Variants in NUP50 observed in about 807,000 individuals in gnomAD.
The protein encoded by NUP50 is nucleoporin 50, also known as nuclear pore complex protein Nup50.
A neutral mutation model predicts 36.8 loss-of-function variants in NUP50; 14 were observed. The observed-to-expected ratio is 0.38, with a 90% CI of 0.25 to 0.59. The LOEUF (loss-of-function observed/expected upper bound fraction) is 0.59. NUP50 is among the 20% of genes least tolerant of loss of function. The pLI is 0.63. For synonymous variants in NUP50, 195 were observed against 210.8 expected (o/e 0.93, Z 0.65); for missense variants, 455 against 564.6 (o/e 0.81, Z 1.97).
chr22:45,185,098 CGT>C lies in NUP50; in HGVS notation c.*447_*448del, dbSNP rs2074449137. On this transcript the variant is annotated 3_prime_UTR_variant, in exon 8 of 8. Coordinates refer to ENST00000347635, the MANE Select transcript of NUP50 (RefSeq NM_007172.4). Reference sequence around the variant, plus strand: ...GCTTCTCTCCGGTGGGCTCAGCCGACGTGTGAGACTTGTTCTGTTACCAAATG... The same window carrying C: ...GCTTCTCTCCGGTGGGCTCAGCCGACGTGAGACTTGTTCTGTTACCAAATG... The C allele has an allele frequency of 9.9e-6, 2 of 202,704 alleles. No individual in the cohort carries two copies. Among genetic ancestry groups the C allele is most frequent in the Non-Finnish European group, 2.0e-5 (2 of 98,226 alleles). 12.6% of individuals were successfully genotyped at this position (202,704 alleles called of 1,614,324 possible). A position where few individuals can be genotyped will look rare whatever the true frequency, so the allele number is the denominator to read the frequency against.
Position 45,178,625 on chromosome 22 carries a change from C to G in NUP50, c.728C>G (p.Thr243Ser), listed in dbSNP as rs897739330. 6.2e-7 allele frequency: 1 copy of G among 1,611,962 alleles called. No individual in the cohort carries two copies. The highest frequency in any genetic ancestry group is 1.3e-5 in the African/African-American group (1 of 74,946). Reference sequence around the variant, plus strand: ...ACGTTTTTGTTTCATGGCAACAAAACTGAAGATACACCTGACAAGAAGATG... The same window carrying G: ...ACGTTTTTGTTTCATGGCAACAAAAGTGAAGATACACCTGACAAGAAGATG... ...ESTFLFHGNK[T>S]EDTPDKKMEV... The change falls in exon 5 of 8, where the codon ACT becomes AGT. Residue 243 changes from threonine (T) to serine (S), a missense_variant. Transcript: ENST00000347635.
intron 1 of NUP50, chr22:45,166,020 C>A (rs1230399711): frequency 6.6e-6 from 1 of 152,206 alleles, no homozygotes; most frequent in Non-Finnish European, 1.5e-5. Context: ...TAATGACAGA[C>A]AGGACACCTG....
chr22:45,175,796 G>A (rs2147684942), intron 3 of NUP50, 98 bp from the exon 4 acceptor site: 1 of 1,130,658 alleles, frequency 8.8e-7, no homozygotes, highest in Middle Eastern at 2.2e-4. Flanking sequence ...TGCATGTGGA[G>A]TCTAGGTGCT....
chr22:45,165,529 A>G (rs1454623897), intron 1 of NUP50, among the ~76,000 whole-genome samples: 1 of 152,218 alleles, frequency 6.6e-6, no homozygotes, highest in East Asian at 1.9e-4. Flanking sequence ...AGCTAGACAT[A>G]AGACTCCAGG....
rs2074437591 is a variant in NUP50, at chr22:45,184,523, T to C, written c.1275T>C (p.Leu425=). ...PCTRTGKNNV[L]IVCVPNPPID... Reference sequence around the variant, plus strand: ...CGCGAACAGGGAAGAATAACGTTCTTATCGTCTGTGTTCCAAATCCACCAA... The same window carrying C: ...CGCGAACAGGGAAGAATAACGTTCTCATCGTCTGTGTTCCAAATCCACCAA... The change falls in exon 8 of 8, where the codon CTT becomes CTC. Residue 425 remains leucine (L), a synonymous_variant. Coordinates refer to ENST00000347635, the MANE Select transcript of NUP50 (RefSeq NM_007172.4). 6.2e-7 allele frequency: 1 copy of C among 1,613,678 alleles called. No individual in the cohort carries two copies.
At position 45,187,708 on chromosome 22, in the gene NUP50, A is replaced by G. The variant is rs1462256183; in HGVS notation, c.*3053A>G. ...TTTGTCCCGTAGTATGGCAGATGAC[A>G]GGGAGGTCTTTTCCAAGCAGGCACT... On this transcript the variant is annotated 3_prime_UTR_variant, in exon 8 of 8. Transcript: ENST00000347635. 2.6e-5 allele frequency: 4 copies of G among 152,386 alleles called. No individual in the cohort carries two copies. The highest frequency in any genetic ancestry group is 3.9e-4 in the East Asian group (2 of 5,178). 9.4% of individuals were successfully genotyped at this position (152,386 alleles called of 1,614,324 possible). A position where few individuals can be genotyped will look rare whatever the true frequency, so the allele number is the denominator to read the frequency against.
intron 6 of NUP50, among the ~76,000 whole-genome samples, chr22:45,183,085 C>CGG (rs60488848): frequency 1.8e-5 from 2 of 114,176 alleles, no homozygotes; most frequent in Admixed American, 9.4e-5. Flanking sequence ...GGGTTGGGGG[C>CGG]GGGGGGGGGG....
At chr22:45,169,483 TAGAATA>T (rs1160676139) in intron 2 of NUP50, among the ~76,000 whole-genome samples, 5 of 152,104 alleles carry the variant, frequency 3.3e-5, no homozygotes, top group East Asian at 2.0e-4. Context: ...ATAAAATAGT[TAGAATA>T]AGAATAGTCA....
intron 2 of NUP50, chr22:45,170,989 G>A (rs2074183640): frequency 7.7e-7 from 1 of 1,303,866 alleles, no homozygotes; most frequent in Non-Finnish European, 1.0e-6. Context: ...ACCCTACAGG[G>A]TAAAAGAAGG....
At chr22:45,166,460 T>A (rs989861942) in intron 1 of NUP50, 1 of 151,882 alleles carries the variant, frequency 6.6e-6, no homozygotes, top group African/African-American at 2.4e-5. Flanking sequence ...CTAATTTTTT[T>A]ATTTTTAGTA....
intron 2 of NUP50, among the ~76,000 whole-genome samples, chr22:45,169,108 G>A (rs554658026): frequency 4.3e-4 from 65 of 152,160 alleles, no homozygotes; most frequent in African/African-American, 1.5e-3. Flanking sequence ...CACCATGTTG[G>A]TCAGACTGGT....
In NUP50 at chr22:45,165,196, C is replaced by G. The variant is rs116688805; in HGVS notation, c.-11+900C>G. Reference sequence around the variant, plus strand: ...GTTGCTTCATACCTAGAAATCATGTCTAATTTGGTTTTTTACCCACAAACG... The same window carrying G: ...GTTGCTTCATACCTAGAAATCATGTGTAATTTGGTTTTTTACCCACAAACG... On this transcript the variant is annotated intron_variant, in intron 1 of 7. Transcript: ENST00000347635. 3.8e-3 allele frequency among the ~76,000 whole-genome samples: 579 copies of G among 152,320 alleles called. 4 individuals are homozygous for G. The highest frequency in any genetic ancestry group is 0.014 in the African/African-American group (568 of 41,576).
rs1206509686 is a variant in NUP50, at chr22:45,178,453, A to G, written c.556A>G (p.Ile186Val). 2.0e-5 allele frequency: 32 copies of G among 1,613,398 alleles called. No homozygotes were observed. Among genetic ancestry groups the G allele is most frequent in the South Asian group, 4.4e-5 (4 of 91,052 alleles). ...AAACCCCCTCTGTGATCTGACACCTATCTTTAAAGACTATGAGAAATATTT... is the reference window on the plus strand; with the variant it reads ...AAACCCCCTCTGTGATCTGACACCTGTCTTTAAAGACTATGAGAAATATTT... ...NTNPLCDLTP[I>V]FKDYEKYLAN... Residue 186 changes from isoleucine to valine, a missense_variant, in exon 5 of 8, where the codon ATC (isoleucine) becomes GTC (valine). Transcript: ENST00000347635.
intron 2 of NUP50, among the ~76,000 whole-genome samples, chr22:45,169,938 T>C (rs1266240671): frequency 1.3e-5 from 2 of 152,232 alleles, no homozygotes; most frequent in African/African-American, 4.8e-5. Context: ...CTTGTCCACA[T>C]TCATGCTCCT....
At chr22:45,165,421 C>G (rs940935531) in intron 1 of NUP50, among the ~76,000 whole-genome samples, 4 of 152,162 alleles carry the variant, frequency 2.6e-5, no homozygotes, top group Admixed American at 2.6e-4. Context: ...TTCTATTCAT[C>G]TAATCTATGT....
Position 45,174,190 on chromosome 22 carries a change from T to C in NUP50, c.154-1704T>C, listed in dbSNP as rs1601776456. ...CCCACATGGGTATTTTCCCTTTTTT[T>C]TTTTTTTTTGAGACAGGGTCTTTGT... On this transcript the variant is annotated intron_variant, in intron 3 of 7. Transcript: ENST00000347635. 2.6e-5 allele frequency among the ~76,000 whole-genome samples: 4 copies of C among 151,924 alleles called. No individual in the cohort carries two copies. In the South Asian group the frequency reaches 8.3e-4, roughly 32 times the overall value.
At position 45,178,889 on chromosome 22, in the gene NUP50, G is replaced by A; in HGVS notation, c.992G>A (p.Gly331Asp). ...GAGGGCCAAGCAGAAGGTGACAGTG[G>A]TGAATGCAAAGGTAAGTACCAGCTT... is the stretch of plus-strand genomic sequence containing the variant. The part of the protein sequence containing the change: ...PLEGQAEGDS[G>D]ECKGGDEEEN... The change falls in exon 5 of 8, where the codon GGT becomes GAT. Residue 331 changes from glycine (G) to aspartate (D), a missense_variant. Around this residue, in one of 3 missense-constraint regions of NUP50, gnomAD observed 287 missense variants for 345.5 expected, o/e 0.83. Coordinates refer to ENST00000347635, the MANE Select transcript of NUP50 (RefSeq NM_007172.4). 2 of 1,612,440 alleles carry A rather than the reference G, an allele frequency of 1.2e-6. No individual in the cohort carries two copies. Among genetic ancestry groups the A allele is most frequent in the East Asian group, 2.2e-5 (1 of 44,856 alleles).
At chr22:45,166,681 CA>C (rs1394914034) in intron 1 of NUP50, among the ~76,000 whole-genome samples, 1 of 136,870 alleles carries the variant, frequency 7.3e-6, no homozygotes, top group Non-Finnish European at 1.6e-5. Flanking sequence ...GGAAAATTGC[CA>C]AAAAGAATCC....
At chr22:45,178,990 G>A in intron 5 of NUP50, 90 bp downstream of exon 5, 1 of 1,250,238 alleles carries the variant, frequency 8.0e-7, no homozygotes, top group Non-Finnish European at 1.1e-6. Flanking sequence ...ATATGAGTCT[G>A]GATTCACATT....
Sources: gnomAD v4.1 joint callset for allele counts (sites outside exome capture counted in the v4.1 genomes callset) on GRCh38, gnomAD v4.1.1 for gene constraint, gnomAD v4.1.1 regional missense constraint, MANE v1.5 for transcripts, NCBI Gene and HGNC (gene_info 2026-07-23, HGNC 2026-07-21) for gene names.